Variants in NOS1AP observed in about 807,000 individuals in gnomAD.
The protein encoded by NOS1AP is carboxyl-terminal PDZ ligand of neuronal nitric oxide synthase protein.
In NOS1AP, 21 loss-of-function variants were observed where a neutral mutation model predicts 56.2. The ratio of observed to expected loss-of-function variants is 0.37; its 90% CI spans 0.26 to 0.54. The LOEUF is 0.54. Among genes scored for constraint, NOS1AP ranks in the 20% least tolerant of loss-of-function variants. The pLI, the probability that NOS1AP is intolerant of heterozygous loss-of-function variation, is 0.84. For missense variants in NOS1AP, 522 were observed against 657.8 expected, an observed-to-expected ratio of 0.79 and a Z score of 2.26; for synonymous variants, 270 against 274.6, an observed-to-expected ratio of 0.98 and a Z score of 0.17.
chr1:162,287,339 T>C lies in NOS1AP; in HGVS notation c.178-5T>C, dbSNP rs1426588545. The stretch of plus-strand genomic sequence containing the variant: ...ACTTTCTTTTTGTTTTCTTCTTTCT[T>C]GCAGTATGAGTTTAAAGCCAAGAAC... On this transcript the variant is annotated splice_polypyrimidine_tract_variant and splice_region_variant and intron_variant, in intron 2 of 9. Transcript: ENST00000361897. 1 of 1,599,886 alleles carries C rather than the reference T, an allele frequency of 6.3e-7. No individual in the cohort carries two copies. Among genetic ancestry groups the C allele is most frequent in the Admixed American group, 1.7e-5 (1 of 59,996 alleles).
At chr1:162,342,483 C>T in intron 5 of NOS1AP, 2 of 469,960 alleles carry the variant, frequency 4.3e-6, no homozygotes, top group South Asian at 3.1e-5. Flanking sequence ...TTATACCCAG[C>T]AGAGAATGGA....
intron 2 of NOS1AP, among the ~76,000 whole-genome samples, chr1:162,264,706 C>T (rs1441588662): frequency 6.7e-6 from 1 of 149,770 alleles, no homozygotes; most frequent in Non-Finnish European, 1.5e-5. Context: ...AGGGTTTTGC[C>T]ATGTTGACCA....
At chr1:162,342,793 GC>G (rs1305656676) in intron 5 of NOS1AP, among the ~76,000 whole-genome samples, 2 of 152,144 alleles carry the variant, frequency 1.3e-5, no homozygotes, top group East Asian at 3.9e-4. Flanking sequence ...TCAACAGGTG[GC>G]CATGGCTGAC....
intron 2 of NOS1AP, among the ~76,000 whole-genome samples, chr1:162,202,002 A>G (rs571141625): frequency 2.0e-5 from 3 of 152,258 alleles, no homozygotes; most frequent in Middle Eastern, 3.4e-3. Flanking sequence ...ACCCTATTCT[A>G]TGGGGGTGGT....
intron 2 of NOS1AP, among the ~76,000 whole-genome samples, chr1:162,258,562 C>A (rs933609376): frequency 9.9e-5 from 15 of 152,198 alleles, no homozygotes; most frequent in Admixed American, 5.9e-4. Flanking sequence ...CTTATCTCCC[C>A]TGGCTTAACT....
chr1:162,245,952 A>G (rs900424443), intron 2 of NOS1AP, among the ~76,000 whole-genome samples: 6 of 152,252 alleles, frequency 3.9e-5, no homozygotes, highest in Non-Finnish European at 8.8e-5. Context: ...CCTTTAAAGC[A>G]TTTTATTAAT....
chr1:162,140,495 G>T (rs1405674471), intron 1 of NOS1AP, among the ~76,000 whole-genome samples: 6 of 152,098 alleles, frequency 3.9e-5, no homozygotes, highest in Non-Finnish European at 8.8e-5. Context: ...TTTTTTCACT[G>T]TGTAGCATTC....
chr1:162,363,710 T>A, intron 8 of NOS1AP: 1 of 805,460 alleles, frequency 1.2e-6, no homozygotes, highest in Non-Finnish European at 1.5e-6. Context: ...ATCTCAAGGG[T>A]TTGGGGAGCT....
Position 162,367,668 on chromosome 1 carries a change from A to C in NOS1AP, c.*201A>C, listed in dbSNP as rs754509653. ...GAAGAAATCGGATTCCCAGAGGTGAATCAGCTCCTCTCCTACTTGTGACTA... is the reference window on the plus strand; with the variant it reads ...GAAGAAATCGGATTCCCAGAGGTGACTCAGCTCCTCTCCTACTTGTGACTA... On this transcript the variant is annotated 3_prime_UTR_variant, in exon 10 of 10. Coordinates refer to ENST00000361897, the MANE Select transcript of NOS1AP (RefSeq NM_014697.3). The surrounding 1 kb of genome is among the most constrained non-coding windows in gnomAD (Gnocchi z 6.5). 14 of 624,418 alleles carry C rather than the reference A, an allele frequency of 2.2e-5. No homozygotes were observed. The highest frequency in any genetic ancestry group is 4.4e-4 in the Middle Eastern group (1 of 2,296). The allele number at this position is 624,418 out of a possible 1,614,324, so 38.7% of individuals were successfully genotyped here.
intron 2 of NOS1AP, among the ~76,000 whole-genome samples, chr1:162,215,119 C>T (rs951551092): frequency 1.5e-4 from 23 of 152,204 alleles, no homozygotes; most frequent in East Asian, 3.9e-4. Context: ...AGGGATCTCA[C>T]GGGTCCTCAA....
At chr1:162,311,315 C>G (rs1296418934) in intron 4 of NOS1AP, among the ~76,000 whole-genome samples, 1 of 152,180 alleles carries the variant, frequency 6.6e-6, no homozygotes, top group Non-Finnish European at 1.5e-5. Flanking sequence ...TGTTTGCTTT[C>G]AACCCTACAT....
At chr1:162,354,658 A>C (rs901828761) in intron 6 of NOS1AP, among the ~76,000 whole-genome samples, 1 of 152,180 alleles carries the variant, frequency 6.6e-6, no homozygotes, top group African/African-American at 2.4e-5. Flanking sequence ...TACTGTGTTA[A>C]AATGCAGCCT....
chr1:162,303,592 C>T (rs1655729046), intron 4 of NOS1AP, among the ~76,000 whole-genome samples: 1 of 152,074 alleles, frequency 6.6e-6, no homozygotes, highest in Non-Finnish European at 1.5e-5. Flanking sequence ...CAGATGTGCA[C>T]CATCACACCC....
chr1:162,310,782 A>G (rs1656000687), intron 4 of NOS1AP, among the ~76,000 whole-genome samples: 1 of 151,812 alleles, frequency 6.6e-6, no homozygotes, highest in Non-Finnish European at 1.5e-5. Flanking sequence ...AACCCTGTAT[A>G]CCCTCACTTT....
intron 2 of NOS1AP, among the ~76,000 whole-genome samples, chr1:162,175,542 T>C (rs1370255049): frequency 2.6e-5 from 4 of 152,138 alleles, no homozygotes; most frequent in Non-Finnish European, 5.9e-5. Flanking sequence ...GTGTATTTCC[T>C]GAATCCAGCA....
intron 6 of NOS1AP, among the ~76,000 whole-genome samples, chr1:162,354,003 G>A (rs549171789): frequency 6.6e-5 from 10 of 152,360 alleles, no homozygotes; most frequent in South Asian, 4.1e-4. Flanking sequence ...CCACAGGACT[G>A]TCTCCTCAGC....
In NOS1AP at chr1:162,367,641, G is replaced by A; in HGVS notation, c.*174G>A. Reference sequence around the variant, plus strand: ...AGATTCTGCTTTGGAGGGTAAAGTGGGGAAGAAATCGGATTCCCAGAGGTG... The same window carrying A: ...AGATTCTGCTTTGGAGGGTAAAGTGAGGAAGAAATCGGATTCCCAGAGGTG... On this transcript the variant is annotated 3_prime_UTR_variant, in exon 10 of 10. Transcript: ENST00000361897. This position sits in a 1 kb window ranked among gnomAD's most constrained non-coding sequence, Gnocchi z 6.5. 2 of 745,114 alleles carry A rather than the reference G, an allele frequency of 2.7e-6. No individual in the cohort carries two copies. Among genetic ancestry groups the A allele is most frequent in the Non-Finnish European group, 4.2e-6 (2 of 470,840 alleles). 46.2% of individuals were successfully genotyped at this position (745,114 alleles called of 1,614,324 possible). A position where few individuals can be genotyped will look rare whatever the true frequency, so the allele number is the denominator to read the frequency against.
intron 1 of NOS1AP, among the ~76,000 whole-genome samples, chr1:162,140,747 A>G (rs990874097): frequency 6.6e-6 from 1 of 152,142 alleles, no homozygotes; most frequent in Admixed American, 6.6e-5. Context: ...AGCTGGACTA[A>G]TTTATATTCC....
intron 2 of NOS1AP, among the ~76,000 whole-genome samples, chr1:162,210,707 C>G (rs978053126): frequency 1.3e-5 from 2 of 152,240 alleles, no homozygotes; most frequent in Admixed American, 1.3e-4. Context: ...TCCTGGGCTG[C>G]CTTCATCACC....
Sources: allele counts gnomAD v4.1 joint callset (sites outside exome capture counted in the v4.1 genomes callset), GRCh38; gene constraint gnomAD v4.1.1; non-coding constraint Gnocchi (gnomAD v3.1); transcripts MANE v1.5; gene names NCBI Gene and HGNC (gene_info 2026-07-23, HGNC 2026-07-21).